The following TMEM65 variants were observed in gnomAD, a reference collection of about 807,000 sequenced individuals.
TMEM65 encodes transmembrane protein 65.
In TMEM65, 22 loss-of-function variants were observed where a neutral mutation model predicts 25.4. The observed-to-expected ratio is 0.86, with a 90% confidence interval of 0.62 to 1.23. The LOEUF (loss-of-function observed/expected upper bound fraction) is 1.23. Ranked by LOEUF, TMEM65 falls within the 50% of genes most tolerant of loss-of-function variation. TMEM65 has a pLI of 0.00. For missense variants in TMEM65, 262 were observed against 308.2 expected (o/e 0.85, Z 1.12); for synonymous variants, 132 against 126.2 (o/e 1.05, Z -0.31).
At chr8:124,339,793 T>C (rs893402672) in intron 1 of TMEM65, among the ~76,000 whole-genome samples, 22 of 151,996 alleles carry the variant, frequency 1.4e-4, no homozygotes, top group Non-Finnish European at 2.5e-4. Context: ...AGTCTGGGAC[T>C]CCACCTTCTG....
At chr8:124,367,223 C>T (rs1273239306) in intron 1 of TMEM65, among the ~76,000 whole-genome samples, 5 of 152,090 alleles carry the variant, frequency 3.3e-5, no homozygotes, top group South Asian at 2.1e-4. Flanking sequence ...GCTGTAATCC[C>T]GGCACTTTGG....
At chr8:124,356,133 C>A (rs534818582) in intron 1 of TMEM65, among the ~76,000 whole-genome samples, 1 of 152,086 alleles carries the variant, frequency 6.6e-6, no homozygotes, top group Non-Finnish European at 1.5e-5. Context: ...CCAATTAAAC[C>A]TTTTTTTAAT....
chr8:124,356,662 C>T (rs1814786256), intron 1 of TMEM65, among the ~76,000 whole-genome samples: 1 of 152,128 alleles, frequency 6.6e-6, no homozygotes, highest in African/African-American at 2.4e-5. Flanking sequence ...ACCTCAGCCC[C>T]AATATTCCTC....
In TMEM65 at chr8:124,372,023, G is replaced by T; in HGVS notation, c.135C>A (p.Gly45=). 1 of 1,271,214 alleles carries T rather than the reference G, an allele frequency of 7.9e-7. No homozygotes were observed. The highest frequency in any genetic ancestry group is 2.5e-5 in the South Asian group (1 of 40,688). The allele number at this position is 1,271,214 out of a possible 1,614,324, so 78.7% of individuals were successfully genotyped here. The change falls in exon 1 of 7, where the codon GGC becomes GGA. Residue 45 remains glycine (G), a synonymous_variant. Coordinates refer to ENST00000297632, the MANE Select transcript of TMEM65 (RefSeq NM_194291.3). ...GCCGCCTGGGGCCGCCCGGCAAGCCGCCGGGGGGCGCGAGCGCCAGCAGCC... is the reference window on the plus strand; with the variant it reads ...GCCGCCTGGGGCCGCCCGGCAAGCCTCCGGGGGGCGCGAGCGCCAGCAGCC... ...GRGLLALAPP[G]GLPGGPRRLG...
At chr8:124,323,713 C>T (rs947426915) in intron 3 of TMEM65, among the ~76,000 whole-genome samples, 2 of 151,882 alleles carry the variant, frequency 1.3e-5, no homozygotes, top group Non-Finnish European at 2.9e-5. Context: ...ACAAGACCGA[C>T]TCACATTGAT....
At chr8:124,358,429 T>C (rs1814813181) in intron 1 of TMEM65, among the ~76,000 whole-genome samples, 1 of 152,178 alleles carries the variant, frequency 6.6e-6, no homozygotes, top group Non-Finnish European at 1.5e-5. Context: ...CCCAAGCAGG[T>C]ATGTAAACAG....
intron 1 of TMEM65, among the ~76,000 whole-genome samples, chr8:124,342,986 T>C (rs1326030249): frequency 6.6e-6 from 1 of 152,200 alleles, no homozygotes; most frequent in East Asian, 1.9e-4. Context: ...TAAAAGGTTA[T>C]TAGAAAATAT....
chr8:124,309,944 G>A lies in TMEM65; in HGVS notation c.*4016C>T, dbSNP rs911158372. 6.6e-6 allele frequency: 1 copy of A among 152,082 alleles called. No homozygotes were observed. Among genetic ancestry groups the A allele is most frequent in the African/African-American group, 2.4e-5 (1 of 41,410 alleles). The allele number at this position is 152,082 out of a possible 1,614,324, so 9.4% of individuals were successfully genotyped here. ...CGTGCCTGTAATCCCAGCTACTCAG[G>A]AGGTCAGGAGTCTGAGGCCAGCCTG... is the stretch of plus-strand genomic sequence containing the variant. On this transcript the variant is annotated 3_prime_UTR_variant, in exon 7 of 7. Coordinates refer to ENST00000297632, the MANE Select transcript of TMEM65 (RefSeq NM_194291.3).
chr8:124,339,222 A>AAATATATATAT (rs1563594368), intron 1 of TMEM65, among the ~76,000 whole-genome samples: 2 of 19,904 alleles, frequency 1.0e-4, no homozygotes, highest in African/African-American at 2.6e-4. Context: ...AAAAAAAAAA[A>AAATATATATAT]ATATATATAT....
intron 3 of TMEM65, 45 bp from the exon 4 acceptor site, chr8:124,323,420 G>T: frequency 9.0e-7 from 1 of 1,116,146 alleles, no homozygotes; most frequent in Non-Finnish European, 1.3e-6. Flanking sequence ...AAGCTGAAGT[G>T]ACTATAAAAG....
intron 1 of TMEM65, among the ~76,000 whole-genome samples, chr8:124,347,434 A>T (rs1341941078): frequency 1.3e-5 from 2 of 152,196 alleles, no homozygotes; most frequent in African/African-American, 4.8e-5. Context: ...GAGACTTAGA[A>T]TGGAAGAGGC....
chr8:124,338,641 T>G (rs916982126), intron 1 of TMEM65, among the ~76,000 whole-genome samples: 4 of 152,236 alleles, frequency 2.6e-5, no homozygotes, highest in Non-Finnish European at 5.9e-5. Flanking sequence ...AAAACAAGTC[T>G]GAATGTTCAC....
Position 124,359,974 on chromosome 8 carries a change from C to G in TMEM65, c.304+11880G>C, listed in dbSNP as rs538182529. On this transcript the variant is annotated intron_variant, in intron 1 of 6. Transcript: ENST00000297632. ...AGGCGCAGAGAACGCTTTCTTTGCCCTTTTCCTTAATGGCCTTCACCCTAA... is the reference window on the plus strand; with the variant it reads ...AGGCGCAGAGAACGCTTTCTTTGCCGTTTTCCTTAATGGCCTTCACCCTAA... Among the ~76,000 whole-genome samples, 18 of 152,238 alleles carry G rather than the reference C, an allele frequency of 1.2e-4. 1 individual carries two copies. In the South Asian group the frequency reaches 3.7e-3, roughly 32 times the overall value.
At chr8:124,343,557 C>T (rs1450598538) in intron 1 of TMEM65, among the ~76,000 whole-genome samples, 4 of 152,018 alleles carry the variant, frequency 2.6e-5, no homozygotes. Context: ...TTCAGGACCT[C>T]GAGTCTTTGA....
At chr8:124,363,889 C>T (rs1187255240) in intron 1 of TMEM65, among the ~76,000 whole-genome samples, 1 of 139,444 alleles carries the variant, frequency 7.2e-6, no homozygotes, top group African/African-American at 2.7e-5. Context: ...AACAACTGCA[C>T]AGATTCTTCC....
In TMEM65 at chr8:124,372,357, C is replaced by T. The variant is rs1414786704; in HGVS notation, c.-200G>A. On this transcript the variant is annotated 5_prime_UTR_variant, in exon 1 of 7. Transcript: ENST00000297632. ...GTCCCCACTTCCTTTCCAAAAGGCC[C>T]GCGGCGGCTCCCGCCCCTCCGATGG... 7.1e-6 allele frequency: 2 copies of T among 282,346 alleles called. No homozygotes were observed. Among genetic ancestry groups the T allele is most frequent in the Admixed American group, 6.2e-5 (1 of 16,208 alleles). 17.5% of individuals were successfully genotyped at this position (282,346 alleles called of 1,614,324 possible). A position where few individuals can be genotyped will look rare whatever the true frequency, so the allele number is the denominator to read the frequency against.
In TMEM65 at chr8:124,327,337, T is replaced by A; in HGVS notation, c.417+17A>T. On this transcript the variant is annotated intron_variant, in intron 3 of 6. Transcript: ENST00000297632. ...ATTTATGAACTCAAAATAGAAGCAG[T>A]GAGAGAAAGAACTTACAGCAACAAT... is the stretch of plus-strand genomic sequence containing the variant. The A allele has an allele frequency of 6.4e-7, 1 of 1,563,416 alleles. No homozygotes were observed. Among genetic ancestry groups the A allele is most frequent in the Non-Finnish European group, 8.7e-7 (1 of 1,144,134 alleles).
In TMEM65 at chr8:124,318,783, G is replaced by A. The variant is rs144987383; in HGVS notation, c.621+1303C>T. Among the ~76,000 whole-genome samples the A allele has an allele frequency of 9.6e-3, 1,466 of 152,202 alleles. 33 individuals carry two copies. Among genetic ancestry groups the A allele is most frequent in the Middle Eastern group, 0.017 (5 of 294 alleles). Reference sequence around the variant, plus strand: ...CCTGCTGATGCTGGCACCACATTTTGAGAACCACTCTCCTATGAAATCTCA... The same window carrying A: ...CCTGCTGATGCTGGCACCACATTTTAAGAACCACTCTCCTATGAAATCTCA... On this transcript the variant is annotated intron_variant, in intron 6 of 6. Coordinates refer to ENST00000297632, the MANE Select transcript of TMEM65 (RefSeq NM_194291.3).
intron 2 of TMEM65, among the ~76,000 whole-genome samples, 169 bp from the exon 3 acceptor site, chr8:124,327,590 T>C (rs560394050): frequency 5.3e-5 from 8 of 151,928 alleles, no homozygotes; most frequent in South Asian, 4.2e-4. Context: ...AGAAACTATA[T>C]TGGGAAAAAA....
Sources: gnomAD v4.1 joint callset for allele counts (sites outside exome capture counted in the v4.1 genomes callset) on GRCh38, gnomAD v4.1.1 for gene constraint, MANE v1.5 for transcripts, NCBI Gene and HGNC (gene_info 2026-07-23, HGNC 2026-07-21) for gene names.